EXOC4: variants seen among roughly 807,000 people sequenced by gnomAD.
EXOC4 encodes SEC8-like 1.
A neutral mutation model predicts 107.2 loss-of-function variants in EXOC4; 71 were observed. The ratio of observed to expected loss-of-function variants is 0.66; its 90% CI spans 0.55 to 0.81. EXOC4 has a LOEUF of 0.81. Ranked by LOEUF, EXOC4 falls within the 30% of genes least tolerant of loss-of-function variation. EXOC4 has a pLI of 0.00. For synonymous variants in EXOC4, 456 were observed against 441.2 expected (o/e 1.03, Z -0.42); for missense variants, 1,108 against 1,189.6 (o/e 0.93, Z 1.01).
At chr7:133,892,722 G>A (rs1325582148) in intron 11 of EXOC4, among the ~76,000 whole-genome samples, 20 of 106,274 alleles carry the variant, frequency 1.9e-4, no homozygotes, top group Non-Finnish European at 3.2e-4. Context: ...CAGTTTCCAT[G>A]TAGTTGAGCG....
At chr7:133,771,011 T>G (rs1796233770) in intron 10 of EXOC4, among the ~76,000 whole-genome samples, 1 of 151,974 alleles carries the variant, frequency 6.6e-6, no homozygotes, top group East Asian at 1.9e-4. Context: ...GCAAAAGGAA[T>G]GATTTACTTC....
At chr7:133,731,667 G>T (rs537316611) in intron 10 of EXOC4, among the ~76,000 whole-genome samples, 1 of 152,136 alleles carries the variant, frequency 6.6e-6, no homozygotes, top group Admixed American at 6.5e-5. Flanking sequence ...TTAAATGGTT[G>T]CTTCTAGGCA....
chr7:134,024,357 A>C (rs1379029028), intron 17 of EXOC4, among the ~76,000 whole-genome samples: 1 of 152,054 alleles, frequency 6.6e-6, no homozygotes, highest in Non-Finnish European at 1.5e-5. Flanking sequence ...AGGCTGAGGC[A>C]GGAGAATGGT....
At chr7:133,636,414 A>G (rs1334395718) in intron 10 of EXOC4, among the ~76,000 whole-genome samples, 1 of 152,200 alleles carries the variant, frequency 6.6e-6, no homozygotes, top group Non-Finnish European at 1.5e-5. Flanking sequence ...GCATTTTGAA[A>G]TTTAAAAGTT....
intron 3 of EXOC4, among the ~76,000 whole-genome samples, chr7:133,292,112 A>C (rs1794420423): frequency 6.6e-6 from 1 of 152,168 alleles, no homozygotes; most frequent in Non-Finnish European, 1.5e-5. Flanking sequence ...TGGGAGGCTG[A>C]GGTGGGCAGA....
intron 17 of EXOC4, among the ~76,000 whole-genome samples, chr7:134,045,662 A>C (rs1795633368): frequency 6.6e-6 from 1 of 152,196 alleles, no homozygotes; most frequent in Non-Finnish European, 1.5e-5. Context: ...TAACGTATGC[A>C]ATTCATTGGT....
chr7:133,425,053 A>G (rs1212548727), intron 7 of EXOC4, among the ~76,000 whole-genome samples: 3 of 151,872 alleles, frequency 2.0e-5, no homozygotes, highest in South Asian at 2.1e-4. Context: ...ATGGTACCCT[A>G]TGAGGGAAGG....
At chr7:133,296,789 A>G (rs1365628499) in intron 3 of EXOC4, among the ~76,000 whole-genome samples, 1 of 152,076 alleles carries the variant, frequency 6.6e-6, no homozygotes, top group African/African-American at 2.4e-5. Flanking sequence ...TACGAGGTTC[A>G]GCAATTTCCA....
intron 14 of EXOC4, among the ~76,000 whole-genome samples, chr7:133,981,877 G>A (rs188519998): frequency 2.6e-5 from 4 of 152,246 alleles, no homozygotes; most frequent in Admixed American, 6.5e-5. Flanking sequence ...TGGCAGATTG[G>A]ATAAAGAAAA....
rs2116646276 is a variant in EXOC4 at position 134,065,092 on chromosome 7, C to T, written c.*564C>T. ...ACAAACTTCCCTAACCAAAACAGAA[C>T]CTCTAATTTAGGGCTAGGAATAGAA... On this transcript the variant is annotated 3_prime_UTR_variant, in exon 18 of 18. Coordinates refer to ENST00000253861, the MANE Select transcript of EXOC4 (RefSeq NM_021807.4). The T allele has an allele frequency of 6.5e-6, 1 of 152,710 alleles. No individual in the cohort carries two copies. Among genetic ancestry groups the T allele is most frequent in the Middle Eastern group, 3.4e-3 (1 of 294 alleles). 9.5% of individuals were successfully genotyped at this position (152,710 alleles called of 1,614,324 possible). A position where few individuals can be genotyped will look rare whatever the true frequency, so the allele number is the denominator to read the frequency against.
chr7:133,667,966 C>G (rs12113650), intron 10 of EXOC4, among the ~76,000 whole-genome samples: 11,753 of 152,148 alleles, frequency 0.077, 504 homozygotes, highest in Middle Eastern at 0.13. Flanking sequence ...TGAGATTTTT[C>G]TTTGTAATTT....
chr7:133,405,926 C>G (rs1033963215), intron 7 of EXOC4, among the ~76,000 whole-genome samples: 1 of 152,144 alleles, frequency 6.6e-6, no homozygotes, highest in African/African-American at 2.4e-5. Flanking sequence ...ATTTACCTCA[C>G]TTAGTAAATA....
At chr7:134,027,424 C>G (rs1795164467) in intron 17 of EXOC4, among the ~76,000 whole-genome samples, 1 of 152,050 alleles carries the variant, frequency 6.6e-6, no homozygotes, top group Non-Finnish European at 1.5e-5. Flanking sequence ...CTTTGGGAGG[C>G]CGAGGCGGGC....
chr7:134,025,629 G>A (rs1795122550), intron 17 of EXOC4, among the ~76,000 whole-genome samples: 1 of 152,188 alleles, frequency 6.6e-6, no homozygotes, highest in African/African-American at 2.4e-5. Flanking sequence ...CTGGAAGCCT[G>A]GACTCAGCTG....
intron 11 of EXOC4, among the ~76,000 whole-genome samples, chr7:133,865,287 A>T (rs1798613386): frequency 6.6e-6 from 1 of 152,156 alleles, no homozygotes; most frequent in African/African-American, 2.4e-5. Context: ...AAACAAACAG[A>T]TGAATACATA....
rs111941095 is a variant in EXOC4 at position 133,376,912 on chromosome 7, A to G, written c.1182+1910A>G. 3.7e-3 allele frequency among the ~76,000 whole-genome samples: 562 copies of G among 152,324 alleles called. 6 individuals are homozygous for G. Among genetic ancestry groups the G allele is most frequent in the African/African-American group, 0.013 (521 of 41,564 alleles). On this transcript the variant is annotated intron_variant, in intron 7 of 17. Transcript: ENST00000253861. ...GTAAATTTATTGTCTGATAGAACAAAACTCTCTCTAAAGTAAGACAACATA... is the reference window on the plus strand; with the variant it reads ...GTAAATTTATTGTCTGATAGAACAAGACTCTCTCTAAAGTAAGACAACATA...
At chr7:133,953,350 C>T (rs1180412564) in intron 14 of EXOC4, among the ~76,000 whole-genome samples, 2 of 152,080 alleles carry the variant, frequency 1.3e-5, no homozygotes, top group African/African-American at 2.4e-5. Context: ...GTAATCTCAG[C>T]ACTTTGGGAG....
In EXOC4 at chr7:133,520,910, A is replaced by T. The variant is rs567148234; in HGVS notation, c.1417+40772A>T. Among the ~76,000 whole-genome samples the T allele has an allele frequency of 3.9e-5, 6 of 152,262 alleles. No individual in the cohort carries two copies. The East Asian group carries it at 9.6e-4, about 24-fold the overall frequency. Reference sequence around the variant, plus strand: ...ATAAAAATCAACCAAGGATGCTTTTAGATAGCACCAGTATGATGAGGGAAA... The same window carrying T: ...ATAAAAATCAACCAAGGATGCTTTTTGATAGCACCAGTATGATGAGGGAAA... On this transcript the variant is annotated intron_variant, in intron 9 of 17. Coordinates refer to ENST00000253861, the MANE Select transcript of EXOC4 (RefSeq NM_021807.4).
chr7:133,279,730 G>GGT (rs1563000065), intron 2 of EXOC4, among the ~76,000 whole-genome samples: 2 of 152,078 alleles, frequency 1.3e-5, no homozygotes, highest in Non-Finnish European at 2.9e-5. Context: ...TGTTACCCAG[G>GGT]ATGGTCTCAA....
Sources: gnomAD v4.1 joint callset for allele counts (sites outside exome capture counted in the v4.1 genomes callset) on GRCh38, gnomAD v4.1.1 for gene constraint, MANE v1.5 for transcripts, NCBI Gene and HGNC (gene_info 2026-07-23, HGNC 2026-07-21) for gene names.